CCL14: variants seen among roughly 807,000 people sequenced by gnomAD.
The protein encoded by CCL14 is C-C motif chemokine 14.
In CCL14, 8 loss-of-function variants were observed where a neutral mutation model predicts 8.2. The observed-to-expected ratio is 0.98, with a 90% CI of 0.57 to 1.76. CCL14 has a LOEUF of 1.76. Among genes scored for constraint, CCL14 ranks in the 40% most tolerant of loss-of-function variants. The pLI, the probability that CCL14 is intolerant of heterozygous loss-of-function variation, is 0.00. For synonymous variants in CCL14, 50 were observed against 43.2 expected (o/e 1.16, Z -0.62); for missense variants, 127 against 118.3 (o/e 1.07, Z -0.34).
At position 35,985,662 on chromosome 17, in the gene CCL14, C is replaced by G. The variant is rs1354564467; in HGVS notation, c.79+909G>C. On this transcript the variant is annotated intron_variant, in intron 1 of 2. Transcript: ENST00000618404. ...CATAAGGGGCCCCTGTTTCCTGAGACCCAGTCAGAGCTCCTATACTCTCCC... is the reference window on the plus strand; with the variant it reads ...CATAAGGGGCCCCTGTTTCCTGAGAGCCAGTCAGAGCTCCTATACTCTCCC... 1.4e-5 allele frequency: 17 copies of G among 1,194,092 alleles called. No individual in the cohort carries two copies. The Admixed American group carries it at 2.7e-4, about 19-fold the overall frequency. The allele number at this position is 1,194,092 out of a possible 1,614,324, so 74.0% of individuals were successfully genotyped here.
At position 35,983,781 on chromosome 17, in the gene CCL14, C is replaced by T. The variant is rs745843281; in HGVS notation, c.*20G>A. 47 of 1,567,448 alleles carry T rather than the reference C, an allele frequency of 3.0e-5. No homozygotes were observed. Among genetic ancestry groups the T allele is most frequent in the East Asian group, 2.0e-4 (9 of 44,624 alleles). The stretch of plus-strand genomic sequence containing the variant: ...TCTTTATGTCTCTGAGCTGTGCCTT[C>T]GCCACCCCTTCTGGGTCACTCAGTT... On this transcript the variant is annotated 3_prime_UTR_variant, in exon 3 of 3. Transcript: ENST00000618404.
chr17:35,984,118 C>T (rs181313269), intron 2 of CCL14, among the ~76,000 whole-genome samples: 2 of 151,960 alleles, frequency 1.3e-5, no homozygotes, highest in Admixed American at 1.3e-4. Flanking sequence ...TTGCCTTCTT[C>T]TCCCTTCTCT....
At chr17:35,985,853 G>A in intron 1 of CCL14, 1 of 1,378,064 alleles carries the variant, frequency 7.3e-7, no homozygotes, top group South Asian at 1.2e-5. Flanking sequence ...TATCTCTAAA[G>A]GCAGCTTATT....
At chr17:35,986,144 C>T (rs1445534531) in intron 1 of CCL14, 3 of 389,082 alleles carry the variant, frequency 7.7e-6, no homozygotes, top group Non-Finnish European at 1.4e-5. Context: ...TGGTCTCACT[C>T]CATGTCCTTG....
At chr17:35,986,188 A>G (rs1456207975) in intron 1 of CCL14, 1 of 350,722 alleles carries the variant, frequency 2.9e-6, no homozygotes, top group Non-Finnish European at 5.1e-6. Flanking sequence ...GGGGGCAATG[A>G]TAAGAGATCA....
In CCL14 at chr17:35,984,343, T is replaced by A. The variant is rs920605410; in HGVS notation, c.189A>T (p.Gly63=). 1 of 1,609,876 alleles carries A rather than the reference T, an allele frequency of 6.2e-7. No individual in the cohort carries two copies. Among genetic ancestry groups the A allele is most frequent in the African/African-American group, 1.3e-5 (1 of 74,824 alleles). ...GATGTGTGTGTACCACCTACACAAT[T>A]CCGGGCTTGGAGCACTGGCTGTTGG... ...YETNSQCSKP[G]IVFITKRGHS... is the part of the protein sequence containing the mutation. The change falls in exon 2 of 3, where the codon GGA becomes GGT. Residue 63 remains glycine, a synonymous_variant. Coordinates refer to ENST00000618404, the MANE Select transcript of CCL14 (RefSeq NM_032963.4).
chr17:35,985,810 AG>A (rs2089758421), intron 1 of CCL14: 2 of 1,546,784 alleles, frequency 1.3e-6, no homozygotes, highest in South Asian at 2.4e-5. Context: ...AAAGGAGAGT[AG>A]GTAAAATGGA....
At chr17:35,986,443 C>T (rs2089771243) in intron 1 of CCL14, 128 bp downstream of exon 1, 1 of 694,196 alleles carries the variant, frequency 1.4e-6, no homozygotes, top group Non-Finnish European at 2.6e-6. Context: ...GCTATACACA[C>T]AATTTCAAGA....
chr17:35,986,454 AGATACCAGCCC>A (rs2089771503), intron 1 of CCL14, 106 bp downstream of exon 1: 1 of 736,352 alleles, frequency 1.4e-6, no homozygotes, highest in Non-Finnish European at 2.4e-6. Flanking sequence ...AATTTCAAGA[AGATACCAGCCC>A]TCCTTTCTGA....
chr17:35,986,145 C>T (rs895184050), intron 1 of CCL14: 17 of 387,398 alleles, frequency 4.4e-5, no homozygotes, highest in Non-Finnish European at 6.9e-5. Flanking sequence ...GGTCTCACTC[C>T]ATGTCCTTGA....
intron 2 of CCL14, 77 bp downstream of exon 2, chr17:35,984,258 TCCA>T: frequency 9.4e-7 from 1 of 1,064,230 alleles, no homozygotes; most frequent in Non-Finnish European, 1.5e-6. Context: ...GGGTCCCCAT[TCCA>T]CCACCACTCC....
At chr17:35,985,871 A>G (rs1184894269) in intron 1 of CCL14, 32 of 1,248,106 alleles carry the variant, frequency 2.6e-5, no homozygotes, top group African/African-American at 4.5e-5. Context: ...ATTCTAAGAA[A>G]TCAGCTGAGA....
rs770215339 is a variant in CCL14 at position 35,984,530 on chromosome 17, G to T, written c.80-78C>A. On this transcript the variant is annotated intron_variant, in intron 1 of 2. Transcript: ENST00000618404. ...CATTGGCTGCTCCTGCAAGCTGAGGGCATGGAGGAGGGAAGGAAGGAGGAG... is the reference window on the plus strand; with the variant it reads ...CATTGGCTGCTCCTGCAAGCTGAGGTCATGGAGGAGGGAAGGAAGGAGGAG... The T allele has an allele frequency of 6.7e-6, 6 of 891,010 alleles. No homozygotes were observed. In the South Asian group the frequency reaches 8.0e-5, roughly 12 times the overall value. 55.2% of individuals were successfully genotyped at this position (891,010 alleles called of 1,614,324 possible). A position where few individuals can be genotyped will look rare whatever the true frequency, so the allele number is the denominator to read the frequency against.
At chr17:35,986,478 C>A (rs2089772002) in intron 1 of CCL14, 93 bp downstream of exon 1, 1 of 930,872 alleles carries the variant, frequency 1.1e-6, no homozygotes, top group African/African-American at 1.6e-5. Context: ...CTTTCTGAGT[C>A]CCTGCTCCTG....
intron 1 of CCL14, 86 bp downstream of exon 1, chr17:35,986,485 C>G (rs755690324): frequency 2.0e-6 from 2 of 1,023,532 alleles, no homozygotes; most frequent in Middle Eastern, 2.6e-4. Context: ...AGTCCCTGCT[C>G]CTGGTCTTCC....
chr17:35,984,397 C>A lies in CCL14; in HGVS notation c.135G>T (p.Pro45=), dbSNP rs148605501. Residue 45 remains proline, a synonymous_variant, in exon 2 of 3, where the codon CCG becomes CCT. Transcript: ENST00000618404. ...CATAGTAATCCATAATCCGCTGACGCGGGATCTTGTAGGTAGTGTAGGTGA... is the reference window on the plus strand; with the variant it reads ...CATAGTAATCCATAATCCGCTGACGAGGGATCTTGTAGGTAGTGTAGGTGA... ...CCFTYTTYKI[P]RQRIMDYYET... 8 of 1,613,620 alleles carry A rather than the reference C, an allele frequency of 5.0e-6. No individual in the cohort carries two copies. The Admixed American group carries it at 1.0e-4, about 20-fold the overall frequency.
Position 35,983,903 on chromosome 17 carries a change from G to A in CCL14, c.195-15C>T. 6.2e-7 allele frequency: 1 copy of A among 1,604,764 alleles called. No individual in the cohort carries two copies. Among genetic ancestry groups the A allele is most frequent in the Non-Finnish European group, 8.5e-7 (1 of 1,171,594 alleles). On this transcript the variant is annotated splice_polypyrimidine_tract_variant and intron_variant, in intron 2 of 2. Coordinates refer to ENST00000618404, the MANE Select transcript of CCL14 (RefSeq NM_032963.4). ...TGGTGATGAAGCTGTGGAGCAAGAG[G>A]GAGAAGGATCACAAACCGAGGGGCC...
intron 1 of CCL14, chr17:35,985,648 C>T: frequency 1.9e-6 from 2 of 1,034,108 alleles, no homozygotes; most frequent in Non-Finnish European, 2.9e-6. Context: ...ATAAGGGGCC[C>T]CTGTTTCCTG....
At chr17:35,984,561 C>A in intron 1 of CCL14, 109 bp from the exon 2 acceptor site, 1 of 718,806 alleles carries the variant, frequency 1.4e-6, no homozygotes. Context: ...AGGAGACAGC[C>A]CCTCAGAACT....
Sources: gnomAD v4.1 joint callset for allele counts (sites outside exome capture counted in the v4.1 genomes callset) on GRCh38, gnomAD v4.1.1 for gene constraint, MANE v1.5 for transcripts, NCBI Gene and HGNC (gene_info 2026-07-23, HGNC 2026-07-21) for gene names.